Variants in ACTR3C observed in about 807,000 individuals in gnomAD.
ACTR3C encodes actin related protein 3C.
A neutral mutation model predicts 26.3 loss-of-function variants in ACTR3C; 18 were observed. That is an observed-to-expected ratio of 0.68 (90% confidence interval 0.47 to 1.01). The LOEUF is 1.01. ACTR3C is among the 50% of genes least tolerant of loss of function. The probability of loss-of-function intolerance (pLI) is 0.00; values close to 1 mark genes in which losing one functional copy is unlikely to be tolerated. For missense variants in ACTR3C, 184 were observed against 250.7 expected (o/e 0.73, Z 1.80); for synonymous variants, 55 against 94.5 (o/e 0.58, Z 2.42).
chr7:150,158,394 C>G, the ACTR3C span, among the ~76,000 whole-genome samples: 215 of 152,210 alleles, frequency 1.4e-3, no homozygotes, highest in Non-Finnish European at 1.4e-3. Flanking sequence ...GACATAACTG[C>G]ACTCCCATGC....
At chr7:150,127,256 C>T in the ACTR3C span, among the ~76,000 whole-genome samples, 4 of 150,028 alleles carry the variant, frequency 2.7e-5, no homozygotes, top group African/African-American at 5.0e-5. Context: ...TATTGCCTGA[C>T]CCAGGACTAG....
intron 1 of ACTR3C, among the ~76,000 whole-genome samples, chr7:150,301,299 C>T (rs1225082593): frequency 6.6e-6 from 1 of 152,164 alleles, no homozygotes; most frequent in Non-Finnish European, 1.5e-5. Context: ...CTGAGTACAG[C>T]TGGGGAAGGT....
intron 6 of ACTR3C, among the ~76,000 whole-genome samples, chr7:150,283,425 GTTATC>G (rs1224387738): frequency 6.7e-6 from 1 of 149,786 alleles, no homozygotes; most frequent in African/African-American, 2.5e-5. Flanking sequence ...ACCCTCAAAA[GTTATC>G]TAAACAGAAA....
chr7:150,176,810 T>C, the ACTR3C span, among the ~76,000 whole-genome samples: 1 of 151,090 alleles, frequency 6.6e-6, no homozygotes, highest in South Asian at 2.1e-4. Flanking sequence ...TTGAATTCAA[T>C]AATAAAGATG....
chr7:150,033,672 G>C, the ACTR3C span, among the ~76,000 whole-genome samples: 4 of 151,882 alleles, frequency 2.6e-5, no homozygotes, highest in East Asian at 1.9e-4. Flanking sequence ...TCCCTGCCTC[G>C]CGGGGGGTGC....
chr7:150,209,138 T>G, the ACTR3C span, among the ~76,000 whole-genome samples: 1 of 150,868 alleles, frequency 6.6e-6, no homozygotes, highest in African/African-American at 2.5e-5. Context: ...CATTGGGATA[T>G]GTTAAAACTT....
At chr7:149,912,539 C>T in the ACTR3C span, among the ~76,000 whole-genome samples, 6 of 148,694 alleles carry the variant, frequency 4.0e-5, no homozygotes, top group East Asian at 2.0e-4. Context: ...TTCGCTCTTT[C>T]GAGCAGGCTA....
the ACTR3C span, among the ~76,000 whole-genome samples, chr7:149,922,266 T>A: frequency 7.3e-6 from 1 of 137,914 alleles, no homozygotes; most frequent in Non-Finnish European, 1.6e-5. Context: ...CAGGCGGGTT[T>A]AAGGGGAAAT....
chr7:149,894,175 G>T, the ACTR3C span, among the ~76,000 whole-genome samples: 1 of 152,176 alleles, frequency 6.6e-6, no homozygotes, highest in African/African-American at 2.4e-5. Flanking sequence ...AAATGTTACT[G>T]GGGAAACTGG....
At chr7:150,288,660 G>A (rs1936476403) in intron 4 of ACTR3C, among the ~76,000 whole-genome samples, 1 of 148,758 alleles carries the variant, frequency 6.7e-6, no homozygotes, top group Admixed American at 6.6e-5. Flanking sequence ...AACCCCTTAG[G>A]AAATATTTTA....
chr7:149,935,601 C>T, the ACTR3C span, among the ~76,000 whole-genome samples: 1 of 142,552 alleles, frequency 7.0e-6, no homozygotes, highest in Admixed American at 7.2e-5. Flanking sequence ...AGGGTTTCAC[C>T]ATGTTGGCCA....
chr7:150,206,402 G>T, the ACTR3C span, among the ~76,000 whole-genome samples: 29 of 151,744 alleles, frequency 1.9e-4, no homozygotes, highest in Admixed American at 9.9e-4. Context: ...TGTGGGTGGG[G>T]TTTTTTTTAT....
At chr7:150,209,722 TACAC>T in the ACTR3C span, among the ~76,000 whole-genome samples, 6,246 of 129,258 alleles carry the variant, frequency 0.048, 431 homozygotes, top group African/African-American at 0.17. Context: ...CTACTAAAAA[TACAC>T]ACACACACAC....
the ACTR3C span, among the ~76,000 whole-genome samples, chr7:150,212,392 G>C: frequency 7.0e-6 from 1 of 142,716 alleles, no homozygotes; most frequent in Non-Finnish European, 1.5e-5. Context: ...GTATTTTACT[G>C]ATAAAATGAG....
the ACTR3C span, among the ~76,000 whole-genome samples, chr7:150,155,477 C>T: frequency 3.0e-4 from 45 of 152,354 alleles, no homozygotes; most frequent in African/African-American, 9.9e-4. Context: ...ACAGCAGGCA[C>T]ATAAGGCCTC....
the ACTR3C span, among the ~76,000 whole-genome samples, chr7:150,039,339 C>T: frequency 6.9e-6 from 1 of 145,928 alleles, no homozygotes; most frequent in Admixed American, 6.7e-5. Context: ...AGCTCTCAGT[C>T]CCCACCCTCG....
At chr7:149,959,079 T>C in the ACTR3C span, among the ~76,000 whole-genome samples, 842 of 152,372 alleles carry the variant, frequency 5.5e-3, 13 homozygotes, top group African/African-American at 0.02. Flanking sequence ...ATCCACCTGA[T>C]GCATGTTGGC....
At chr7:150,260,989 A>G (rs1475723514) in intron 6 of ACTR3C, among the ~76,000 whole-genome samples, 2 of 152,190 alleles carry the variant, frequency 1.3e-5, no homozygotes, top group African/African-American at 2.4e-5. Context: ...AAGGCAATAA[A>G]TTATATTGAA....
chr7:150,120,184 C>T, the ACTR3C span, among the ~76,000 whole-genome samples: 17 of 152,196 alleles, frequency 1.1e-4, no homozygotes, highest in East Asian at 3.1e-3. Context: ...ACTAGAAAAG[C>T]AAGAGCAAAC....
Sources: allele counts gnomAD v4.1 joint callset (sites outside exome capture counted in the v4.1 genomes callset), GRCh38; gene constraint gnomAD v4.1.1; transcripts MANE v1.5; gene names NCBI Gene and HGNC (gene_info 2026-07-23, HGNC 2026-07-21).